PLS1: variants seen among roughly 807,000 people sequenced by gnomAD.
PLS1 encodes plastin-1.
PLS1 carries 32 observed loss-of-function variants against 73.7 expected under a neutral mutation model. That is an observed-to-expected ratio of 0.43 (90% CI 0.33 to 0.58). The LOEUF is 0.58. Among genes scored for constraint, PLS1 ranks in the 20% least tolerant of loss-of-function variants. PLS1 has a pLI of 0.04. For synonymous variants in PLS1, 217 were observed against 261.3 expected, an observed-to-expected ratio of 0.83 and a Z score of 1.63; for missense variants, 633 against 740.5, an observed-to-expected ratio of 0.85 and a Z score of 1.68.
intron 1 of PLS1, among the ~76,000 whole-genome samples, chr3:142,658,954 T>C (rs927602268): frequency 3.9e-5 from 6 of 152,162 alleles, no homozygotes; most frequent in African/African-American, 1.2e-4. Flanking sequence ...TAGAAAAACA[T>C]TTGCTTTTGA....
intron 12 of PLS1, among the ~76,000 whole-genome samples, chr3:142,701,573 C>T (rs1176446698): frequency 6.6e-6 from 1 of 152,180 alleles, no homozygotes; most frequent in Non-Finnish European, 1.5e-5. Flanking sequence ...CTCTCTAGAT[C>T]TCTTAGAAGT....
At chr3:142,598,421 C>T (rs867338080) in intron 1 of PLS1, among the ~76,000 whole-genome samples, 5 of 152,126 alleles carry the variant, frequency 3.3e-5, no homozygotes, top group African/African-American at 4.8e-5. Context: ...AGAGCTGTAT[C>T]AAGACAGCAG....
intron 12 of PLS1, among the ~76,000 whole-genome samples, chr3:142,701,986 G>A (rs548347472): frequency 3.5e-4 from 54 of 152,144 alleles, no homozygotes; most frequent in Non-Finnish European, 5.1e-4. Flanking sequence ...TCTTTTAAGC[G>A]GGCTAAGCCT....
At chr3:142,653,688 A>G (rs1269780051) in intron 1 of PLS1, among the ~76,000 whole-genome samples, 1 of 152,008 alleles carries the variant, frequency 6.6e-6, no homozygotes, top group Non-Finnish European at 1.5e-5. Flanking sequence ...TCTAACCCAA[A>G]GCCATATATG....
chr3:142,711,034 T>A (rs1488698178), intron 14 of PLS1, among the ~76,000 whole-genome samples: 1 of 152,186 alleles, frequency 6.6e-6, no homozygotes, highest in Non-Finnish European at 1.5e-5. Flanking sequence ...AAAGGTGGAT[T>A]AAATAAACTA....
chr3:142,608,115 G>A lies in PLS1; in HGVS notation c.-37+11606G>A, dbSNP rs147407498. ...CTGCTTTGGCCTCCCAAACTGCTGG[G>A]ATTATTATAGGCATGAGCCACCCAC... On this transcript the variant is annotated intron_variant, in intron 1 of 15. Transcript: ENST00000457734. Among the ~76,000 whole-genome samples the A allele has an allele frequency of 5.8e-4, 88 of 152,286 alleles. No individual in the cohort carries two copies. In the East Asian group the frequency reaches 0.016, roughly 28 times the overall value.
At chr3:142,604,158 A>G (rs1018056829) in intron 1 of PLS1, among the ~76,000 whole-genome samples, 13 of 152,188 alleles carry the variant, frequency 8.5e-5, no homozygotes, top group Admixed American at 8.5e-4. Context: ...TAGAATTTGG[A>G]TTTGAATTTA....
intron 1 of PLS1, among the ~76,000 whole-genome samples, chr3:142,627,546 A>G (rs1300374891): frequency 1.3e-5 from 2 of 152,112 alleles, no homozygotes; most frequent in African/African-American, 2.4e-5. Flanking sequence ...TTTTTCTTCT[A>G]TAGAATTCTA....
intron 1 of PLS1, among the ~76,000 whole-genome samples, chr3:142,602,900 T>C (rs984000251): frequency 6.6e-5 from 10 of 152,194 alleles, no homozygotes; most frequent in Admixed American, 2.0e-4. Context: ...TTGGCCAGGC[T>C]GGTCGCCAAC....
intron 1 of PLS1, chr3:142,597,152 T>G (rs1372122652): frequency 6.6e-6 from 1 of 152,234 alleles, no homozygotes; most frequent in Non-Finnish European, 1.5e-5. Flanking sequence ...GTCGTTTAGA[T>G]GAGTAACAGA....
chr3:142,707,207 A>G (rs2038480381), intron 14 of PLS1, among the ~76,000 whole-genome samples: 1 of 152,196 alleles, frequency 6.6e-6, no homozygotes, highest in Non-Finnish European at 1.5e-5. Context: ...ATGCTAAAAC[A>G]TAGTTGAGGT....
At chr3:142,628,435 A>G (rs1223112284) in intron 1 of PLS1, among the ~76,000 whole-genome samples, 1 of 151,220 alleles carries the variant, frequency 6.6e-6, no homozygotes, top group African/African-American at 2.5e-5. Flanking sequence ...AAATTTATGT[A>G]GTGTAATAAT....
intron 10 of PLS1, among the ~76,000 whole-genome samples, chr3:142,691,084 G>A (rs1266160735): frequency 1.3e-5 from 2 of 152,074 alleles, no homozygotes; most frequent in Non-Finnish European, 2.9e-5. Context: ...GAGACAGAAT[G>A]AGAAATCAAT....
chr3:142,700,566 C>T (rs1172026993), intron 12 of PLS1, among the ~76,000 whole-genome samples: 1 of 152,188 alleles, frequency 6.6e-6, no homozygotes, highest in East Asian at 1.9e-4. Context: ...TCGTGATCCA[C>T]CCGCCTTGGC....
At chr3:142,660,555 C>T (rs1438454449) in intron 1 of PLS1, among the ~76,000 whole-genome samples, 2 of 152,148 alleles carry the variant, frequency 1.3e-5, no homozygotes, top group Admixed American at 1.3e-4. Flanking sequence ...CGTGGCTCAC[C>T]ACCTCTGCCC....
chr3:142,655,055 C>T (rs80255049), intron 1 of PLS1: 2 of 152,024 alleles, frequency 1.3e-5, no homozygotes, highest in Non-Finnish European at 2.9e-5. Context: ...CCTTTACCTG[C>T]AAGGAGCAAA....
intron 3 of PLS1, among the ~76,000 whole-genome samples, chr3:142,669,777 A>G (rs1038227695): frequency 3.3e-5 from 5 of 152,230 alleles, no homozygotes; most frequent in African/African-American, 1.2e-4. Context: ...AATGGAAATC[A>G]GGTTTAGATA....
intron 1 of PLS1, chr3:142,645,175 T>C (rs2036927027): frequency 6.6e-6 from 1 of 152,242 alleles, no homozygotes; most frequent in Non-Finnish European, 1.5e-5. Context: ...TTGTGATTGA[T>C]ATTTTTCAGT....
chr3:142,686,662 A>G (rs2037973039), intron 9 of PLS1, among the ~76,000 whole-genome samples: 1 of 152,178 alleles, frequency 6.6e-6, no homozygotes, highest in Admixed American at 6.5e-5. Flanking sequence ...TCAAATTTAG[A>G]GTACAGTTCT....
Sources: allele counts gnomAD v4.1 joint callset (sites outside exome capture counted in the v4.1 genomes callset), GRCh38; gene constraint gnomAD v4.1.1; transcripts MANE v1.5; gene names NCBI Gene and HGNC (gene_info 2026-07-23, HGNC 2026-07-21).